The following ATL1 variants were observed in gnomAD, a reference collection of about 807,000 sequenced individuals.
ATL1 encodes atlastin GTPase 1, also known as atlastin-1.
In ATL1, 31 loss-of-function variants were observed where a neutral mutation model predicts 75.5. The ratio of observed to expected loss-of-function variants is 0.41; its 90% confidence interval spans 0.31 to 0.55. The LOEUF is 0.55. Ranked by LOEUF, ATL1 falls within the 20% of genes least tolerant of loss-of-function variation. The pLI, the probability that ATL1 is intolerant of heterozygous loss-of-function variation, is 0.27. For synonymous variants in ATL1, 226 were observed against 233.3 expected (o/e 0.97, Z 0.28); for missense variants, 405 against 662.6 (o/e 0.61, Z 4.27).
At chr14:50,537,004 TGA>T (rs2038501742) in intron 1 of ATL1, among the ~76,000 whole-genome samples, 1 of 152,254 alleles carries the variant, frequency 6.6e-6, no homozygotes, top group Non-Finnish European at 1.5e-5. Context: ...AACGAAAAGC[TGA>T]ATATTAATTC....
chr14:50,538,711 T>C (rs1566704231), intron 1 of ATL1, among the ~76,000 whole-genome samples: 1 of 152,210 alleles, frequency 6.6e-6, no homozygotes, highest in Non-Finnish European at 1.5e-5. Flanking sequence ...TCTCCTTTTC[T>C]TTGTCTCTGC....
intron 1 of ATL1, among the ~76,000 whole-genome samples, chr14:50,541,749 G>A (rs1366296622): frequency 1.3e-5 from 2 of 151,888 alleles, no homozygotes; most frequent in South Asian, 2.1e-4. Flanking sequence ...GGCCAGGCGC[G>A]GTGGCTCACG....
intron 1 of ATL1, among the ~76,000 whole-genome samples, chr14:50,566,185 A>T (rs1209324949): frequency 1.3e-5 from 2 of 152,102 alleles, no homozygotes; most frequent in African/African-American, 2.4e-5. Context: ...TTTAGTAGAG[A>T]TGGGGTTTCC....
intron 1 of ATL1, among the ~76,000 whole-genome samples, chr14:50,550,751 C>T (rs2038692420): frequency 6.6e-6 from 1 of 152,306 alleles, no homozygotes; most frequent in East Asian, 1.9e-4. Context: ...AAGGAATCCT[C>T]AAAACTATAC....
At chr14:50,556,532 TA>T (rs1220571123), upstream of ATL1, among the ~76,000 whole-genome samples, 3 of 152,170 alleles carry the variant, frequency 2.0e-5, no homozygotes, top group Non-Finnish European at 2.9e-5. Flanking sequence ...CCAGTGGCTT[TA>T]GTATACCCAA....
chr14:50,597,347 AAGCTAGTTGCCAAAGACTATTTACAGT>A (rs1393645345), intron 6 of ATL1, among the ~76,000 whole-genome samples: 2 of 152,194 alleles, frequency 1.3e-5, no homozygotes, highest in African/African-American at 4.8e-5. Context: ...GATTGGAAAA[AAGCTAGTTGCCAAAGACTATTTACAGT>A]AGGATAGCAT....
intron 6 of ATL1, among the ~76,000 whole-genome samples, chr14:50,606,220 C>T (rs116591710): frequency 8.4e-4 from 127 of 152,038 alleles, no homozygotes; most frequent in African/African-American, 3.0e-3. Flanking sequence ...GTATTTGTCT[C>T]AATATTTAAA....
chr14:50,623,918 G>A (rs2039492033), intron 11 of ATL1, among the ~76,000 whole-genome samples: 1 of 152,092 alleles, frequency 6.6e-6, no homozygotes, highest in Non-Finnish European at 1.5e-5. Flanking sequence ...AGCCAGGCCT[G>A]ATGGCACGCA....
At chr14:50,541,238 G>A (rs1397506645) in intron 1 of ATL1, among the ~76,000 whole-genome samples, 1 of 152,092 alleles carries the variant, frequency 6.6e-6, no homozygotes, top group Non-Finnish European at 1.5e-5. Context: ...CATTCCAGAG[G>A]GACCTTTGTT....
In ATL1 at chr14:50,623,227, A is replaced by T. The variant is rs936696300; in HGVS notation, c.1098A>T (p.Thr366=). ...CAGCCGTGGCAACTGCCAAGGACAC[A>T]TACAACAAAAAAATGGAAGAGGTAA... The part of the protein sequence containing the change: ...NLAAVATAKD[T]YNKKMEEICG... Residue 366 remains threonine, a synonymous_variant, in exon 11 of 14, where the codon ACA becomes ACT. Transcript: ENST00000358385. The T allele has an allele frequency of 6.2e-7, 1 of 1,613,914 alleles. No homozygotes were observed. Among genetic ancestry groups the T allele is most frequent in the Non-Finnish European group, 8.5e-7 (1 of 1,179,884 alleles).
intron 6 of ATL1, among the ~76,000 whole-genome samples, chr14:50,599,711 G>A (rs17122674): frequency 0.16 from 23,904 of 152,078 alleles, 2,229 homozygotes; most frequent in African/African-American, 0.25. Flanking sequence ...GCAGAAAAAA[G>A]TGTGAGATTT....
intron 1 of ATL1, among the ~76,000 whole-genome samples, chr14:50,544,811 G>A (rs577085614): frequency 2.5e-4 from 38 of 151,692 alleles, no homozygotes; most frequent in African/African-American, 7.5e-4. Context: ...GTGGCATGAC[G>A]CTATAAATGC....
At chr14:50,616,281 G>A (rs1399610814) in intron 8 of ATL1, among the ~76,000 whole-genome samples, 4 of 151,936 alleles carry the variant, frequency 2.6e-5, no homozygotes, top group African/African-American at 9.7e-5. Context: ...TTACAGGTGT[G>A]AGCCACTGCA....
chr14:50,554,188 AAC>A (rs1414230995), intron 1 of ATL1, among the ~76,000 whole-genome samples: 1 of 152,110 alleles, frequency 6.6e-6, no homozygotes, highest in Admixed American at 6.5e-5. Flanking sequence ...TGATGAAGAG[AAC>A]AGTGTCACAA....
intron 8 of ATL1, among the ~76,000 whole-genome samples, 188 bp downstream of exon 8, chr14:50,614,699 G>A (rs909486617): frequency 2.6e-5 from 4 of 152,286 alleles, no homozygotes; most frequent in East Asian, 1.9e-4. Flanking sequence ...TTCTATGGGC[G>A]CTGGATGTAT....
chr14:50,597,162 T>C (rs929220747), intron 6 of ATL1, among the ~76,000 whole-genome samples: 2 of 140,088 alleles, frequency 1.4e-5, no homozygotes, highest in African/African-American at 5.5e-5. Flanking sequence ...TGAGCCAAGA[T>C]TGCACCATTG....
chr14:50,622,240 T>A (rs563406199), intron 10 of ATL1, among the ~76,000 whole-genome samples: 92 of 152,306 alleles, frequency 6.0e-4, no homozygotes, highest in African/African-American at 2.1e-3. Context: ...AACATTTTTT[T>A]AAAATGAGCC....
At chr14:50,557,550 A>G (rs2038779309), upstream of ATL1, among the ~76,000 whole-genome samples, 1 of 152,088 alleles carries the variant, frequency 6.6e-6, no homozygotes, top group African/African-American at 2.4e-5. Context: ...ATAACATTCT[A>G]TTGCGTATAT....
chr14:50,576,361 G>C (rs2039006400), intron 1 of ATL1, among the ~76,000 whole-genome samples: 1 of 152,058 alleles, frequency 6.6e-6, no homozygotes, highest in African/African-American at 2.4e-5. Flanking sequence ...CTGTATAGTT[G>C]GTTCTTTCCT....
Sources: gnomAD v4.1 joint callset for allele counts (sites outside exome capture counted in the v4.1 genomes callset) on GRCh38, gnomAD v4.1.1 for gene constraint, MANE v1.5 for transcripts, NCBI Gene and HGNC (gene_info 2026-07-23, HGNC 2026-07-21) for gene names.